Variants in HTR2C observed in about 807,000 individuals in gnomAD.
HTR2C encodes 5-hydroxytryptamine receptor 2C, also known as 5-hydroxytryptamine (serotonin) receptor 2C, G protein-coupled.
Under a neutral mutation model 21.0 loss-of-function variants are expected in HTR2C, and 5 were observed. The ratio of observed to expected loss-of-function variants is 0.24; its 90% confidence interval spans 0.12 to 0.50. HTR2C has a LOEUF of 0.50. Ranked by LOEUF, HTR2C falls within the 20% of genes least tolerant of loss-of-function variation. The pLI is 0.98. For missense variants in HTR2C, 271 were observed against 371.2 expected (o/e 0.73, Z 2.22); for synonymous variants, 150 against 145.3 (o/e 1.03, Z -0.23).
chrX:114,897,643 G>C (rs1034592984), intron 5 of HTR2C, among the ~76,000 whole-genome samples: 1 of 111,922 alleles, frequency 8.9e-6, no homozygotes, highest in African/African-American at 3.2e-5. Flanking sequence ...ACTTCTAAGT[G>C]AGAAGACAAG....
intron 4 of HTR2C, among the ~76,000 whole-genome samples, chrX:114,770,030 T>C (rs782773207): frequency 3.8e-4 from 42 of 111,926 alleles, no homozygotes; most frequent in Non-Finnish European, 3.8e-4. Flanking sequence ...CCTTCAAATA[T>C]GTCATCCCAA....
At chrX:114,725,555 G>A (rs1192905819) in intron 2 of HTR2C, among the ~76,000 whole-genome samples, 1 of 112,363 alleles carries the variant, frequency 8.9e-6, no homozygotes, top group Non-Finnish European at 1.9e-5. Flanking sequence ...TCCATTGCTG[G>A]TGAGGAACTG....
chrX:114,807,922 C>T (rs1015946730), intron 4 of HTR2C, among the ~76,000 whole-genome samples: 3 of 111,328 alleles, frequency 2.7e-5, no homozygotes, highest in African/African-American at 9.8e-5. Flanking sequence ...CCACCCGCCT[C>T]GGCCTCCCAA....
intron 5 of HTR2C, among the ~76,000 whole-genome samples, chrX:114,899,961 C>T (rs1438713219): frequency 5.4e-5 from 6 of 111,224 alleles, no homozygotes; most frequent in African/African-American, 2.0e-4. Flanking sequence ...GACAGATGTG[C>T]GTTTGTTGCT....
intron 4 of HTR2C, among the ~76,000 whole-genome samples, chrX:114,772,811 C>A (rs1465787797): frequency 9.0e-6 from 1 of 111,337 alleles, no homozygotes; most frequent in Non-Finnish European, 1.9e-5. Flanking sequence ...CTTGGATTTA[C>A]TTTGGGATGC....
At chrX:114,619,365 A>G (rs782319744) in intron 2 of HTR2C, among the ~76,000 whole-genome samples, 2 of 111,423 alleles carry the variant, frequency 1.8e-5, no homozygotes, top group South Asian at 7.6e-4. Context: ...GCACTCCCAA[A>G]TCCGTTCTCC....
intron 4 of HTR2C, among the ~76,000 whole-genome samples, chrX:114,740,700 A>C (rs1272697046): frequency 8.9e-6 from 1 of 112,037 alleles, no homozygotes; most frequent in Non-Finnish European, 1.9e-5. Context: ...ATTCTATTTG[A>C]AACTAATAAC....
chrX:114,898,235 C>T (rs2071311599), intron 5 of HTR2C, among the ~76,000 whole-genome samples: 1 of 112,412 alleles, frequency 8.9e-6, no homozygotes. Context: ...ATGTCCTTTG[C>T]CCACTTTTTA....
chrX:114,753,679 T>C (rs1191006424), intron 4 of HTR2C, among the ~76,000 whole-genome samples: 2 of 111,816 alleles, frequency 1.8e-5, no homozygotes, highest in Admixed American at 9.5e-5. Flanking sequence ...TCAATATTAT[T>C]TACTATCACT....
rs186094150 is a variant in HTR2C at position 114,601,782 on chromosome X, G to A, written c.-146-12033G>A. ...CAAAATAGTGTTGAAGTGTTGGGGC[G>A]GCGAAAATTTTGGGGGGGTGGTATG... On this transcript the variant is annotated intron_variant, in intron 1 of 5. Transcript: ENST00000276198. Among the ~76,000 whole-genome samples, 967 of 104,473 alleles carry A rather than the reference G, an allele frequency of 9.3e-3. 15 individuals are homozygous for A. The highest frequency in any genetic ancestry group is 0.032 in the African/African-American group (912 of 28,332). The allele number at this position is 104,473 out of a possible 115,157, so 90.7% of individuals were successfully genotyped here. A position where few individuals can be genotyped will look rare whatever the true frequency, so the allele number is the denominator to read the frequency against.
Position 114,614,242 on chromosome X carries a change from G to GT in HTR2C, c.-80+371dup, listed in dbSNP as rs1189801929. On this transcript the variant is annotated intron_variant, in intron 2 of 5. Transcript: ENST00000276198. The stretch of plus-strand genomic sequence containing the variant: ...TTTTCTTCTTCAATGACAAACTCTT[G>GT]TTTTTTTTTTGTTTTTTTGTTTTGT... Among the ~76,000 whole-genome samples, 640 of 104,754 alleles carry GT rather than the reference G, an allele frequency of 6.1e-3. 9 individuals are homozygous for GT. The highest frequency in any genetic ancestry group is 7.6e-3 in the Admixed American group (74 of 9,752). The allele number at this position is 104,754 out of a possible 115,157, so 91.0% of individuals were successfully genotyped here.
Position 114,710,579 on chromosome X carries a change from A to C in HTR2C, c.-79-16279A>C, listed in dbSNP as rs781977502. Among the ~76,000 whole-genome samples the C allele has an allele frequency of 2.2e-4, 25 of 112,040 alleles. No homozygotes were observed. The Admixed American group carries it at 2.3e-3, about 10-fold the overall frequency. ...TTGTTTTCATAGTAAAGATTAAATG[A>C]GAAAAATAGAGTGTTTCTCACATCA... On this transcript the variant is annotated intron_variant, in intron 2 of 5. Transcript: ENST00000276198.
intron 4 of HTR2C, among the ~76,000 whole-genome samples, chrX:114,732,407 A>G (rs186694860): frequency 1.8e-5 from 2 of 111,294 alleles, no homozygotes; most frequent in Admixed American, 1.9e-4. Context: ...TATCTCACAA[A>G]GGAGTAAAAT....
intron 2 of HTR2C, among the ~76,000 whole-genome samples, chrX:114,638,579 G>T (rs1309762970): frequency 9.5e-6 from 1 of 105,542 alleles, no homozygotes; most frequent in Non-Finnish European, 1.9e-5. Context: ...CATTGTGCAG[G>T]TTAGTTACAT....
chrX:114,709,213 T>A (rs1216304942), intron 2 of HTR2C, among the ~76,000 whole-genome samples: 1 of 112,169 alleles, frequency 8.9e-6, no homozygotes, highest in African/African-American at 3.2e-5. Flanking sequence ...AAAGCGTCTT[T>A]CTTTTTCACT....
intron 4 of HTR2C, among the ~76,000 whole-genome samples, chrX:114,762,069 T>C (rs4615773): frequency 0.4 from 10,738 of 26,594 alleles, 2,880 homozygotes; most frequent in East Asian, 0.94. Flanking sequence ...TAGATATATA[T>C]GCATGACAGT....
At chrX:114,752,415 C>A (rs1556428304) in intron 4 of HTR2C, among the ~76,000 whole-genome samples, 1 of 111,028 alleles carries the variant, frequency 9.0e-6, no homozygotes. Flanking sequence ...CCCTTCCAAG[C>A]CACCTAGTAA....
At chrX:114,692,482 T>C (rs1485921054) in intron 2 of HTR2C, among the ~76,000 whole-genome samples, 4 of 111,773 alleles carry the variant, frequency 3.6e-5, no homozygotes, top group Non-Finnish European at 5.7e-5. Context: ...AAGTATTCAT[T>C]GTAAGATCTT....
At chrX:114,825,388 GA>G (rs1394817790) in intron 4 of HTR2C, among the ~76,000 whole-genome samples, 4 of 111,274 alleles carry the variant, frequency 3.6e-5, no homozygotes, top group Non-Finnish European at 5.7e-5. Context: ...GAATTATTTA[GA>G]ATTGTGTTAT....
Sources: allele counts gnomAD v4.1 joint callset (sites outside exome capture counted in the v4.1 genomes callset), GRCh38; gene constraint gnomAD v4.1.1; transcripts MANE v1.5; gene names NCBI Gene and HGNC (gene_info 2026-07-23, HGNC 2026-07-21).